The following AGBL4 variants were observed in gnomAD, a reference collection of about 807,000 sequenced individuals.
AGBL4 encodes cytosolic carboxypeptidase 6.
A neutral mutation model predicts 66.4 loss-of-function variants in AGBL4; 58 were observed. That is an observed-to-expected ratio of 0.87 (90% CI 0.71 to 1.09). The LOEUF is 1.09. Ranked by LOEUF, AGBL4 falls within the 50% of genes least tolerant of loss-of-function variation. The pLI, the probability that AGBL4 is intolerant of heterozygous loss-of-function variation, is 0.00. For synonymous variants in AGBL4, 234 were observed against 222.9 expected (o/e 1.05, Z -0.44); for missense variants, 579 against 631.0 (o/e 0.92, Z 0.88).
intron 6 of AGBL4, chr1:48,759,148 C>T (rs367903944): frequency 1.5e-5 from 24 of 1,613,934 alleles, no homozygotes; most frequent in Non-Finnish European, 2.0e-5. Context: ...GTCCTCTGTG[C>T]CTGGCGAGGC....
chr1:48,784,618 A>T (rs1645369223), intron 6 of AGBL4, among the ~76,000 whole-genome samples: 1 of 152,214 alleles, frequency 6.6e-6, no homozygotes, highest in African/African-American at 2.4e-5. Flanking sequence ...TCTATGCATT[A>T]TATAAAATGT....
intron 3 of AGBL4, among the ~76,000 whole-genome samples, chr1:49,651,445 A>C (rs962201879): frequency 6.6e-6 from 1 of 152,156 alleles, no homozygotes; most frequent in Non-Finnish European, 1.5e-5. Flanking sequence ...GAAATCTGCT[A>C]TCAGAAGGGC....
intron 5 of AGBL4, among the ~76,000 whole-genome samples, chr1:48,893,634 G>A (rs1446765747): frequency 2.6e-5 from 4 of 151,868 alleles, no homozygotes; most frequent in Admixed American, 1.3e-4. Context: ...GCAGTGAGCC[G>A]AGATGGCGCC....
chr1:49,618,718 T>A (rs188850731), intron 3 of AGBL4, among the ~76,000 whole-genome samples: 1 of 152,290 alleles, frequency 6.6e-6, no homozygotes, highest in East Asian at 1.9e-4. Context: ...GCAAAAATCC[T>A]CAATAAAATA....
intron 4 of AGBL4, among the ~76,000 whole-genome samples, chr1:49,197,251 T>C (rs1647306259): frequency 6.6e-6 from 1 of 152,176 alleles, no homozygotes; most frequent in African/African-American, 2.4e-5. Flanking sequence ...AATGCCAGTT[T>C]TATGAGTGTT....
chr1:49,179,558 G>T (rs1646891837), intron 4 of AGBL4, among the ~76,000 whole-genome samples: 3 of 151,832 alleles, frequency 2.0e-5, no homozygotes. Flanking sequence ...AGCAAGCAGA[G>T]GACAAAAGGA....
At chr1:48,959,136 C>T (rs1657743358) in intron 5 of AGBL4, among the ~76,000 whole-genome samples, 1 of 152,188 alleles carries the variant, frequency 6.6e-6, no homozygotes, top group Non-Finnish European at 1.5e-5. Context: ...AATGATATGA[C>T]ATGGATTATA....
chr1:49,864,964 G>A (rs1357303521), intron 1 of AGBL4, among the ~76,000 whole-genome samples: 2 of 152,180 alleles, frequency 1.3e-5, no homozygotes, highest in East Asian at 3.9e-4. Flanking sequence ...ATTCTCCACA[G>A]CTCAGCACAG....
At chr1:49,827,787 T>C (rs1431109583) in intron 2 of AGBL4, among the ~76,000 whole-genome samples, 1 of 152,172 alleles carries the variant, frequency 6.6e-6, no homozygotes, top group Non-Finnish European at 1.5e-5. Flanking sequence ...ATCATACAAG[T>C]CATGCACAGT....
At chr1:48,586,832 G>T in intron 11 of AGBL4, 172 bp downstream of exon 11, 1 of 820,360 alleles carries the variant, frequency 1.2e-6, no homozygotes, top group Non-Finnish European at 1.9e-6. Context: ...TCATACTAAG[G>T]GCTGAGGCAA....
chr1:48,979,994 G>T lies in AGBL4; in HGVS notation c.594+65590C>A, dbSNP rs565856450. Among the ~76,000 whole-genome samples the T allele has an allele frequency of 2.0e-5, 3 of 152,216 alleles. No homozygotes were observed. In the South Asian group the frequency reaches 6.2e-4, roughly 32 times the overall value. ...TGTATATAATAGCTTTATCTCTGTA[G>T]TATTTATTATGTCTATAGTATTATA... On this transcript the variant is annotated intron_variant, in intron 5 of 13. Coordinates refer to ENST00000371839, the MANE Select transcript of AGBL4 (RefSeq NM_032785.4).
intron 8 of AGBL4, among the ~76,000 whole-genome samples, chr1:48,638,152 C>T (rs1645698049): frequency 6.6e-6 from 1 of 152,168 alleles, no homozygotes; most frequent in Non-Finnish European, 1.5e-5. Context: ...GTTAGCTTAT[C>T]TCATTCTTGA....
In AGBL4 at chr1:49,983,059, T is replaced by C. The variant is rs1659202301; in HGVS notation, c.34+40704A>G. 3.3e-5 allele frequency among the ~76,000 whole-genome samples: 5 copies of C among 152,342 alleles called. No homozygotes were observed. In the South Asian group the frequency reaches 1.0e-3, roughly 32 times the overall value. On this transcript the variant is annotated intron_variant, in intron 1 of 13. Coordinates refer to ENST00000371839, the MANE Select transcript of AGBL4 (RefSeq NM_032785.4). The stretch of plus-strand genomic sequence containing the variant: ...CTCTTTGCCTTGTTTACCCTCCACT[T>C]GTCTGCATACCTCATTCTTCCTGGA...
In AGBL4 at chr1:49,514,253, T is replaced by C. The variant is rs1279553448; in HGVS notation, c.282+183060A>G. ...TTGCCCTGGCCAGAACTTCCAACAC[T>C]GTGTTGAATAGGAGTGGTGACAGAG... is the stretch of plus-strand genomic sequence containing the variant. On this transcript the variant is annotated intron_variant, in intron 3 of 13. Coordinates refer to ENST00000371839, the MANE Select transcript of AGBL4 (RefSeq NM_032785.4). 1.3e-5 allele frequency among the ~76,000 whole-genome samples: 2 copies of C among 151,964 alleles called. 1 individual carries two copies. The highest frequency in any genetic ancestry group is 2.9e-5 in the Non-Finnish European group (2 of 67,966).
chr1:49,300,438 A>G (rs953546084), intron 3 of AGBL4, among the ~76,000 whole-genome samples: 5 of 152,208 alleles, frequency 3.3e-5, no homozygotes, highest in Non-Finnish European at 5.9e-5. Context: ...TTAAAACCCA[A>G]TGAGATAAGG....
At chr1:49,433,764 G>T (rs1382803228) in intron 3 of AGBL4, among the ~76,000 whole-genome samples, 1 of 152,086 alleles carries the variant, frequency 6.6e-6, no homozygotes, top group Non-Finnish European at 1.5e-5. Context: ...AAGTTTACTT[G>T]TCAAAAAGTG....
At chr1:49,066,628 T>C (rs1217438735) in intron 4 of AGBL4, among the ~76,000 whole-genome samples, 1 of 152,202 alleles carries the variant, frequency 6.6e-6, no homozygotes, top group Non-Finnish European at 1.5e-5. Context: ...TGCGAATGCG[T>C]ATTTTGAGAA....
intron 3 of AGBL4, among the ~76,000 whole-genome samples, chr1:49,531,467 A>G (rs1651133334): frequency 6.6e-6 from 1 of 152,174 alleles, no homozygotes. Context: ...CCAGAGATGA[A>G]AAAATGAGAA....
At chr1:49,656,297 C>A (rs984341406) in intron 3 of AGBL4, among the ~76,000 whole-genome samples, 4 of 152,136 alleles carry the variant, frequency 2.6e-5, no homozygotes, top group African/African-American at 9.7e-5. Context: ...CCTCCCAAGA[C>A]TAAACCAGGA....
Sources: gnomAD v4.1 joint callset for allele counts (sites outside exome capture counted in the v4.1 genomes callset) on GRCh38, gnomAD v4.1.1 for gene constraint, MANE v1.5 for transcripts, NCBI Gene and HGNC (gene_info 2026-07-23, HGNC 2026-07-21) for gene names.